ATP11A: variants seen among roughly 807,000 people sequenced by gnomAD.
The protein encoded by ATP11A is phospholipid-transporting ATPase IH.
In ATP11A, 81 loss-of-function variants were observed where a neutral mutation model predicts 154.4. That is an observed-to-expected ratio of 0.52 (90% CI 0.44 to 0.63). ATP11A has a LOEUF of 0.63. Ranked by LOEUF, ATP11A falls within the 30% of genes least tolerant of loss-of-function variation. The probability of loss-of-function intolerance (pLI) is 0.00; values close to 1 mark genes in which losing one functional copy is unlikely to be tolerated. For missense variants in ATP11A, 1,316 were observed against 1,474.3 expected, an observed-to-expected ratio of 0.89 and a Z score of 1.76; for synonymous variants, 623 against 585.9, an observed-to-expected ratio of 1.06 and a Z score of -0.91.
chr13:112,737,204 G>T (rs1891081621), intron 1 of ATP11A, among the ~76,000 whole-genome samples: 1 of 152,182 alleles, frequency 6.6e-6, no homozygotes. Context: ...GGGCACTCCT[G>T]GGGGATGGAG....
intron 17 of ATP11A, among the ~76,000 whole-genome samples, chr13:112,847,483 T>C (rs1047867548): frequency 1.3e-5 from 2 of 152,232 alleles, no homozygotes; most frequent in Non-Finnish European, 2.9e-5. Flanking sequence ...CATGCAGTTA[T>C]CCAGTTTTCC....
chr13:112,704,122 G>C (rs282579), intron 1 of ATP11A, among the ~76,000 whole-genome samples: 118,104 of 152,182 alleles, frequency 0.78, 47,887 homozygotes, highest in East Asian at 0.96. Flanking sequence ...GGGAGGGCTC[G>C]AGTGCCACAC....
chr13:112,832,716 T>C, intron 13 of ATP11A, 144 bp from the exon 14 acceptor site: 1 of 843,988 alleles, frequency 1.2e-6, no homozygotes, highest in Non-Finnish European at 1.9e-6. Context: ...CATCCCACTG[T>C]ATAACCCCTC....
chr13:112,752,946 G>A (rs2076730514), intron 1 of ATP11A, among the ~76,000 whole-genome samples: 1 of 152,158 alleles, frequency 6.6e-6, no homozygotes, highest in African/African-American at 2.4e-5. Context: ...GACTGGCTGT[G>A]TATTCAATCA....
intron 1 of ATP11A, among the ~76,000 whole-genome samples, chr13:112,700,368 CAG>C (rs1886374197): frequency 6.6e-6 from 1 of 152,160 alleles, no homozygotes; most frequent in South Asian, 2.1e-4. Flanking sequence ...GGTCCTGCTC[CAG>C]AGAGAGAAGG....
At chr13:112,834,385 C>T (rs541248809) in intron 14 of ATP11A, among the ~76,000 whole-genome samples, 1 of 152,348 alleles carries the variant, frequency 6.6e-6, no homozygotes, top group South Asian at 2.1e-4. Context: ...GGTAGAAATT[C>T]TCTTGCTCTT....
intron 20 of ATP11A, among the ~76,000 whole-genome samples, chr13:112,857,233 C>A (rs2079956378): frequency 6.6e-6 from 1 of 151,986 alleles, no homozygotes. Context: ...CATTTAGGCA[C>A]ATAGATGGGG....
rs1217803841 is a variant in ATP11A at position 112,882,475 on chromosome 13, C to T, written c.*609C>T. 3 of 457,148 alleles carry T rather than the reference C, an allele frequency of 6.6e-6. No individual in the cohort carries two copies. Among genetic ancestry groups the T allele is most frequent in the Non-Finnish European group, 1.2e-5 (3 of 260,164 alleles). 28.3% of individuals were successfully genotyped at this position (457,148 alleles called of 1,614,324 possible). A position where few individuals can be genotyped will look rare whatever the true frequency, so the allele number is the denominator to read the frequency against. On this transcript the variant is annotated 3_prime_UTR_variant, in exon 30 of 30. Transcript: ENST00000375645. This position sits in a 1 kb window ranked among gnomAD's most constrained non-coding sequence, Gnocchi z 5.1. ...GTGGTGCGTCCTTTACTCAACAACC[C>T]TCCAATCCGGATGCTGTGGGAAGGG...
chr13:112,758,549 G>A (rs1403702901), intron 1 of ATP11A, among the ~76,000 whole-genome samples: 5 of 150,808 alleles, frequency 3.3e-5, no homozygotes, highest in African/African-American at 1.2e-4. Flanking sequence ...TCAGCCTCCC[G>A]AGTAGCTGGG....
chr13:112,824,863 AAT>A (rs1210713446), intron 10 of ATP11A, among the ~76,000 whole-genome samples: 1 of 152,230 alleles, frequency 6.6e-6, no homozygotes, highest in African/African-American at 2.4e-5. Flanking sequence ...CCTGATGATA[AAT>A]ATGTCAGGAT....
At chr13:112,742,454 G>C (rs1453891958) in intron 1 of ATP11A, among the ~76,000 whole-genome samples, 1 of 152,154 alleles carries the variant, frequency 6.6e-6, no homozygotes, top group African/African-American at 2.4e-5. Context: ...GTCGTGTGTG[G>C]GGGGACTTAT....
chr13:112,829,584 A>T (rs1037085105), intron 12 of ATP11A, among the ~76,000 whole-genome samples: 4 of 152,230 alleles, frequency 2.6e-5, no homozygotes, highest in Non-Finnish European at 5.9e-5. Context: ...CATAAATGAG[A>T]AACCCACAGC....
At chr13:112,854,250 T>C (rs749556817) in intron 18 of ATP11A, 29 bp from the exon 19 acceptor site, 2 of 1,610,702 alleles carry the variant, frequency 1.2e-6, no homozygotes, top group East Asian at 4.5e-5. Flanking sequence ...GACTTTTCTC[T>C]ATGCTGTGTT....
At chr13:112,866,026 A>G (rs1458511924) in intron 25 of ATP11A, among the ~76,000 whole-genome samples, 1 of 152,144 alleles carries the variant, frequency 6.6e-6, no homozygotes, top group Non-Finnish European at 1.5e-5. Context: ...CTCTGTGATG[A>G]GTAGATTTGT....
intron 1 of ATP11A, among the ~76,000 whole-genome samples, chr13:112,779,106 G>T (rs1313562191): frequency 9.6e-6 from 1 of 103,958 alleles, no homozygotes; most frequent in East Asian, 3.0e-4. Flanking sequence ...CCACTGGAGT[G>T]AGTAGCCACT....
At chr13:112,703,067 G>GAGC (rs1253654272) in intron 1 of ATP11A, among the ~76,000 whole-genome samples, 1 of 152,206 alleles carries the variant, frequency 6.6e-6, no homozygotes, top group Non-Finnish European at 1.5e-5. Context: ...TCTTAGTGTG[G>GAGC]AGCTGAACAG....
chr13:112,743,480 G>C (rs375741), intron 1 of ATP11A, among the ~76,000 whole-genome samples: 34,125 of 150,878 alleles, frequency 0.23, 4,822 homozygotes, highest in African/African-American at 0.41. Flanking sequence ...AACCTGTGCA[G>C]ATGTTGTAGG....
rs995280936 is a variant in ATP11A at position 112,875,014 on chromosome 13, C to T, written c.3162-762C>T. On this transcript the variant is annotated intron_variant, in intron 27 of 29. Transcript: ENST00000375645. This position sits in a 1 kb window ranked among gnomAD's most constrained non-coding sequence, Gnocchi z 4.1. ...TGCTGGGAGCTCACCATGTCACCACCGCTTGGTGATGAGACCCCATCCTCC... is the reference window on the plus strand; with the variant it reads ...TGCTGGGAGCTCACCATGTCACCACTGCTTGGTGATGAGACCCCATCCTCC... Among the ~76,000 whole-genome samples the T allele has an allele frequency of 3.9e-5, 6 of 152,192 alleles. No individual in the cohort carries two copies. Among genetic ancestry groups the T allele is most frequent in the South Asian group, 2.1e-4 (1 of 4,822 alleles).
Position 112,838,557 on chromosome 13 carries a change from T to C in ATP11A, c.1705+2306T>C, listed in dbSNP as rs373242050. ...CTGCCACACGCTCACAAGGGGTTTT[T>C]GCTGCATCCTGAATGCCCAAGACCT... On this transcript the variant is annotated intron_variant, in intron 16 of 29. Coordinates refer to ENST00000375645, the MANE Select transcript of ATP11A (RefSeq NM_015205.3). The surrounding 1 kb of genome is among the most constrained non-coding windows in gnomAD (Gnocchi z 7.3). 9.2e-5 allele frequency among the ~76,000 whole-genome samples: 14 copies of C among 152,330 alleles called. No individual in the cohort carries two copies. Among genetic ancestry groups the C allele is most frequent in the Admixed American group, 5.2e-4 (8 of 15,304 alleles).
Sources: gnomAD v4.1 joint callset for allele counts (sites outside exome capture counted in the v4.1 genomes callset) on GRCh38, gnomAD v4.1.1 for gene constraint, Gnocchi (gnomAD v3.1) non-coding constraint, MANE v1.5 for transcripts, NCBI Gene and HGNC (gene_info 2026-07-23, HGNC 2026-07-21) for gene names.